The following ZNF469 variants were observed in gnomAD, a reference collection of about 807,000 sequenced individuals.
The protein encoded by ZNF469 is zinc finger protein 469.
Under a neutral mutation model 1.0 loss-of-function variants are expected in ZNF469, and 1 was observed. The ratio of observed to expected loss-of-function variants is 1.00; its 90% confidence interval spans 0.35 to 4.73. The LOEUF (loss-of-function observed/expected upper bound fraction) is 4.73. Ranked by LOEUF, ZNF469 falls within the 30% of genes most tolerant of loss-of-function variation. The pLI is 0.16. For synonymous variants in ZNF469, 2,703 were observed against 2,363.4 expected (o/e 1.14, Z -4.17); for missense variants, 6,100 against 5,356.3 (o/e 1.14, Z -4.33).
chr16:88,435,398 T>C lies in ZNF469; in HGVS notation c.7928T>C (p.Leu2643Pro). 6.5e-7 allele frequency: 1 copy of C among 1,550,306 alleles called. No individual in the cohort carries two copies. Among genetic ancestry groups the C allele is most frequent in the Non-Finnish European group, 8.7e-7 (1 of 1,146,970 alleles). The change falls in exon 3 of 3, where the codon CTC becomes CCC. Residue 2643 changes from leucine (L) to proline (P), a missense_variant. Physicochemically the swap from Leu to Pro is moderately conservative, Grantham distance 98. Transcript: ENST00000565624. ...KKRGKLRGRR[L>P]REESILPVSA... ...AGGGGAAAGCTGAGAGGGAGAAGGC[T>C]CCGGGAGGAGAGCATTCTTCCAGTC...
the ZNF469 span, among the ~76,000 whole-genome samples, chr16:88,276,296 G>A: frequency 6.6e-6 from 1 of 152,122 alleles, no homozygotes; most frequent in Non-Finnish European, 1.5e-5. Context: ...ATGGAGTGGG[G>A]GTGCAGCAAG....
the ZNF469 span, among the ~76,000 whole-genome samples, chr16:88,119,291 C>A: frequency 6.6e-6 from 1 of 152,242 alleles, no homozygotes. Flanking sequence ...ACAGGTTTAT[C>A]TCCCTCCCTC....
rs749642726 is a variant in ZNF469, at chr16:88,432,358, G to A, written c.4888G>A (p.Val1630Ile). 2.5e-5 allele frequency: 38 copies of A among 1,548,576 alleles called. No individual in the cohort carries two copies. The Middle Eastern group carries it at 5.0e-4, about 20-fold the overall frequency. Residue 1630 changes from valine to isoleucine, a missense_variant, in exon 3 of 3, where the codon GTT (valine) becomes ATT (isoleucine). Transcript: ENST00000565624. ...GTTCTCGGCAGCTGACCTCACGCGC[G>A]TTGGAGAATCCACTGCACATCGGGA... ...DTFSAADLTR[V>I]GESTAHREGA...
upstream of ZNF469, among the ~76,000 whole-genome samples, chr16:88,379,567 A>G (rs112311455): frequency 0.015 from 2,308 of 152,144 alleles, 50 homozygotes; most frequent in African/African-American, 0.053. Context: ...TGCCCCCAGG[A>G]GGGTGCTGAT....
At chr16:88,142,606 C>T in the ZNF469 span, among the ~76,000 whole-genome samples, 2 of 152,214 alleles carry the variant, frequency 1.3e-5, no homozygotes, top group Admixed American at 6.5e-5. Flanking sequence ...CTTCTGTTTA[C>T]TGAGCACACG....
In ZNF469 at chr16:88,437,488, C is replaced by T; in HGVS notation, c.10018C>T (p.His3340Tyr). ...EACKDPSRDC[H>Y]HCGKRFPKPF... ...CTGCAAGGACCCCTCCCGCGACTGCCACCACTGCGGGAAGCGCTTCCCCAA... is the reference window on the plus strand; with the variant it reads ...CTGCAAGGACCCCTCCCGCGACTGCTACCACTGCGGGAAGCGCTTCCCCAA... Residue 3340 changes from histidine to tyrosine, a missense_variant, in exon 3 of 3, where the codon CAC becomes TAC. Physicochemically the swap from His to Tyr is moderately conservative, Grantham distance 83. Coordinates refer to ENST00000565624, the MANE Select transcript of ZNF469 (RefSeq NM_001367624.2). The T allele has an allele frequency of 2.6e-6, 4 of 1,538,472 alleles. No homozygotes were observed. Among genetic ancestry groups the T allele is most frequent in the Non-Finnish European group, 2.6e-6 (3 of 1,138,966 alleles).
chr16:88,231,846 C>A, the ZNF469 span, among the ~76,000 whole-genome samples: 1 of 152,202 alleles, frequency 6.6e-6, no homozygotes, highest in African/African-American at 2.4e-5. This position sits in a 1 kb window ranked among gnomAD's most constrained non-coding sequence, Gnocchi z 4.5. Flanking sequence ...AACATATTCC[C>A]AGGATCTGGG....
chr16:88,200,126 C>A, the ZNF469 span, among the ~76,000 whole-genome samples: 9 of 125,828 alleles, frequency 7.2e-5, no homozygotes, highest in African/African-American at 2.5e-4. Context: ...CCGGCACGGC[C>A]GAAGAGAACA....
At chr16:88,263,610 G>T in the ZNF469 span, among the ~76,000 whole-genome samples, 3 of 152,216 alleles carry the variant, frequency 2.0e-5, no homozygotes, top group Non-Finnish European at 4.4e-5. Flanking sequence ...TTGGGACTTT[G>T]CTGAGAGGCT....
At chr16:88,162,655 A>G in the ZNF469 span, among the ~76,000 whole-genome samples, 2 of 144,670 alleles carry the variant, frequency 1.4e-5, no homozygotes, top group Admixed American at 7.2e-5. Flanking sequence ...ATTTATCTTA[A>G]CAATTCTTTT....
chr16:88,424,307 C>T lies in ZNF469; in HGVS notation c.-191-500C>T, dbSNP rs1261128473. On this transcript the variant is annotated intron_variant, in intron 1 of 2. Coordinates refer to ENST00000565624, the MANE Select transcript of ZNF469 (RefSeq NM_001367624.2). This position sits in a 1 kb window ranked among gnomAD's most constrained non-coding sequence, Gnocchi z 4.3. ...TCAGGTGCAGAACAGTGAGCGTAGC[C>T]GACGATCTTCTGTTGAAGGAAGGAG... Among the ~76,000 whole-genome samples the T allele has an allele frequency of 2.0e-5, 3 of 152,136 alleles. No homozygotes were observed. Among genetic ancestry groups the T allele is most frequent in the African/African-American group, 4.8e-5 (2 of 41,420 alleles).
chr16:88,117,685 C>T, the ZNF469 span, among the ~76,000 whole-genome samples: 7 of 152,168 alleles, frequency 4.6e-5, no homozygotes, highest in African/African-American at 1.2e-4. Flanking sequence ...CACGTGTCTT[C>T]GGGGACCGTG....
At chr16:88,329,219 G>T in the ZNF469 span, among the ~76,000 whole-genome samples, 1 of 152,176 alleles carries the variant, frequency 6.6e-6, no homozygotes, top group African/African-American at 2.4e-5. Flanking sequence ...GACTGGGCAG[G>T]TGGTGAAGGG....
the ZNF469 span, among the ~76,000 whole-genome samples, chr16:88,313,645 T>A: frequency 6.6e-6 from 1 of 151,900 alleles, no homozygotes; most frequent in African/African-American, 2.4e-5. Flanking sequence ...GTGATTATGA[T>A]AATGCTGGTG....
chr16:88,239,736 T>A, the ZNF469 span, among the ~76,000 whole-genome samples: 1 of 93,510 alleles, frequency 1.1e-5, no homozygotes, highest in African/African-American at 4.2e-5. Context: ...TTTTTTTTTT[T>A]TTTTTAGTAG....
At chr16:88,330,593 C>T in the ZNF469 span, among the ~76,000 whole-genome samples, 1 of 152,338 alleles carries the variant, frequency 6.6e-6, no homozygotes, top group South Asian at 2.1e-4. Context: ...GACAGAGGGA[C>T]TAAGAAAGAA....
intron 1 of ZNF469, among the ~76,000 whole-genome samples, chr16:88,392,950 T>A (rs1904530320): frequency 6.6e-6 from 1 of 152,260 alleles, no homozygotes. Flanking sequence ...CTGAGGGTCG[T>A]GACTGTCACC....
chr16:88,348,561 C>T, the ZNF469 span, among the ~76,000 whole-genome samples: 12 of 152,338 alleles, frequency 7.9e-5, no homozygotes, highest in Admixed American at 7.2e-4. Context: ...TTTGCCCACA[C>T]GGGGGAGCTG....
At position 88,432,165 on chromosome 16, in the gene ZNF469, G is replaced by A; in HGVS notation, c.4695G>A (p.Gln1565=). ...TGTCCGAGGATGAACTGGAGATCCAGAAATTGGTCACCGAATTAGAAAGTC... is the reference window on the plus strand; with the variant it reads ...TGTCCGAGGATGAACTGGAGATCCAAAAATTGGTCACCGAATTAGAAAGTC... ...SHLSEDELEI[Q]KLVTELESQL... Residue 1565 remains glutamine (Q), a synonymous_variant, in exon 3 of 3, where the codon CAG becomes CAA. Coordinates refer to ENST00000565624, the MANE Select transcript of ZNF469 (RefSeq NM_001367624.2). The A allele has an allele frequency of 6.5e-7, 1 of 1,550,372 alleles. No individual in the cohort carries two copies.
Sources: gnomAD v4.1 joint callset for allele counts (sites outside exome capture counted in the v4.1 genomes callset) on GRCh38, gnomAD v4.1.1 for gene constraint, Gnocchi (gnomAD v3.1) non-coding constraint, MANE v1.5 for transcripts, NCBI Gene and HGNC (gene_info 2026-07-23, HGNC 2026-07-21) for gene names.